Variants in RMDN2 observed in about 807,000 individuals in gnomAD.
RMDN2 encodes the protein regulator of microtubule dynamics 2.
Under a neutral mutation model 52.8 loss-of-function variants are expected in RMDN2, and 61 were observed. The ratio of observed to expected loss-of-function variants is 1.16; its 90% CI spans 0.94 to 1.43. The LOEUF (loss-of-function observed/expected upper bound fraction) is 1.43. RMDN2 is among the 40% of genes most tolerant of loss of function. The pLI, the probability that RMDN2 is intolerant of heterozygous loss-of-function variation, is 0.00. For missense variants in RMDN2, 592 were observed against 475.3 expected (o/e 1.25, Z -2.28); for synonymous variants, 180 against 153.1 (o/e 1.18, Z -1.30).
intron 5 of RMDN2, among the ~76,000 whole-genome samples, chr2:37,988,345 G>A (rs768192172): frequency 6.6e-5 from 10 of 152,138 alleles, no homozygotes; most frequent in Admixed American, 6.5e-4. Flanking sequence ...TTTAGAACTC[G>A]TGAGTAGTAG....
chr2:37,993,140 G>A, intron 7 of RMDN2, among the ~76,000 whole-genome samples: 1 of 152,068 alleles, frequency 6.6e-6, no homozygotes, highest in Non-Finnish European at 1.5e-5. Context: ...GGCCAGGCTG[G>A]TCTCACACTC....
intron 10 of RMDN2, among the ~76,000 whole-genome samples, chr2:38,065,244 T>C (rs895422701): frequency 6.6e-6 from 1 of 151,752 alleles, no homozygotes; most frequent in Non-Finnish European, 1.5e-5. Context: ...TTACATAAAG[T>C]AAAACATATA....
chr2:38,057,384 C>A (rs370506201), intron 10 of RMDN2, among the ~76,000 whole-genome samples: 4 of 152,182 alleles, frequency 2.6e-5, no homozygotes, highest in Non-Finnish European at 4.4e-5. Flanking sequence ...ATAAAATGTT[C>A]ATGTGTCATA....
chr2:37,991,243 A>C lies in RMDN2; in HGVS notation c.891A>C (p.Lys297Asn), dbSNP rs371956325. ...LFKEHLDIAI[K>N]LLPEEPFLYY... ...AGGAACATCTAGATATAGCAATCAAACTTTTACCAGAGGAACCCTTTCTAT... is the reference window on the plus strand; with the variant it reads ...AGGAACATCTAGATATAGCAATCAACCTTTTACCAGAGGAACCCTTTCTAT... Residue 297 changes from lysine (K) to asparagine (N), a missense_variant, in exon 7 of 11, where the codon AAA becomes AAC. Transcript: ENST00000354545. The C allele has an allele frequency of 6.3e-7, 1 of 1,589,810 alleles. No individual in the cohort carries two copies. The highest frequency in any genetic ancestry group is 8.6e-7 in the Non-Finnish European group (1 of 1,166,738).
intron 2 of RMDN2, among the ~76,000 whole-genome samples, chr2:37,933,482 A>G (rs1667020815): frequency 6.6e-6 from 1 of 152,258 alleles, no homozygotes; most frequent in Non-Finnish European, 1.5e-5. Flanking sequence ...CCTGGGCACC[A>G]TTGAGCACTG....
At chr2:37,932,201 AC>A (rs1666815056) in intron 2 of RMDN2, among the ~76,000 whole-genome samples, 1 of 149,328 alleles carries the variant, frequency 6.7e-6, no homozygotes, top group Non-Finnish European at 1.5e-5. Context: ...TAGGCAGAGG[AC>A]CCTGCGGCCT....
At chr2:37,936,059 C>T (rs938753784) in intron 2 of RMDN2, among the ~76,000 whole-genome samples, 4 of 152,164 alleles carry the variant, frequency 2.6e-5, no homozygotes, top group African/African-American at 9.7e-5. Flanking sequence ...TACTCCCCAC[C>T]TGCTGACAGT....
intron 10 of RMDN2, among the ~76,000 whole-genome samples, chr2:38,012,039 G>A (rs1347750607): frequency 1.3e-5 from 2 of 152,092 alleles, no homozygotes; most frequent in Non-Finnish European, 1.5e-5. Context: ...AGAATTTTTA[G>A]CATGTCTTTC....
At chr2:37,955,920 A>G (rs1294302496) in intron 2 of RMDN2, among the ~76,000 whole-genome samples, 1 of 151,992 alleles carries the variant, frequency 6.6e-6, no homozygotes, top group East Asian at 1.9e-4. Flanking sequence ...GTGATGTATA[A>G]TCCTTCTAAT....
chr2:38,048,773 A>C (rs1681421660), intron 10 of RMDN2, among the ~76,000 whole-genome samples: 1 of 152,238 alleles, frequency 6.6e-6, no homozygotes, highest in Non-Finnish European at 1.5e-5. Flanking sequence ...GCACCATCCC[A>C]CATGGACGAT....
intron 10 of RMDN2, among the ~76,000 whole-genome samples, chr2:38,042,456 C>T (rs1183600360): frequency 2.9e-5 from 4 of 136,460 alleles, no homozygotes; most frequent in Non-Finnish European, 6.7e-5. Flanking sequence ...CACACACACA[C>T]ACACATCAGG....
At chr2:37,988,710 T>G (rs1674368882) in intron 5 of RMDN2, among the ~76,000 whole-genome samples, 1 of 152,226 alleles carries the variant, frequency 6.6e-6, no homozygotes, top group South Asian at 2.1e-4. Context: ...TCGAAATATT[T>G]AAGTAAATGG....
At chr2:37,964,513 T>C (rs1670774075) in intron 2 of RMDN2, among the ~76,000 whole-genome samples, 1 of 152,262 alleles carries the variant, frequency 6.6e-6, no homozygotes, top group Non-Finnish European at 1.5e-5. Context: ...TGCTGATTTC[T>C]AGTTTCATGT....
intron 8 of RMDN2, among the ~76,000 whole-genome samples, chr2:38,001,710 G>A (rs1297456283): frequency 6.6e-6 from 1 of 152,176 alleles, no homozygotes; most frequent in Non-Finnish European, 1.5e-5. Context: ...AGGTATAATT[G>A]AATAAAGTTC....
chr2:37,944,780 A>G (rs1348903632), intron 2 of RMDN2, among the ~76,000 whole-genome samples: 1 of 152,160 alleles, frequency 6.6e-6, no homozygotes, highest in African/African-American at 2.4e-5. Flanking sequence ...TGTAATTAAG[A>G]AGGGGTATCA....
chr2:37,942,141 C>T (rs556230266), intron 2 of RMDN2, among the ~76,000 whole-genome samples: 134 of 152,226 alleles, frequency 8.8e-4, no homozygotes, highest in African/African-American at 3.1e-3. Context: ...CACAGCTCCT[C>T]TTGGCTAGGG....
At chr2:37,991,517 T>C (rs1403105556) in intron 7 of RMDN2, among the ~76,000 whole-genome samples, 1 of 152,010 alleles carries the variant, frequency 6.6e-6, no homozygotes, top group Non-Finnish European at 1.5e-5. Flanking sequence ...ATGTATTTTA[T>C]AATTTATAAA....
At chr2:37,985,377 T>TA (rs60264953) in intron 5 of RMDN2, among the ~76,000 whole-genome samples, 62,916 of 151,650 alleles carry the variant, frequency 0.41, 14,333 homozygotes, top group East Asian at 0.78. Flanking sequence ...AATGATCTGT[T>TA]TTTTATTTAT....
intron 2 of RMDN2, among the ~76,000 whole-genome samples, chr2:37,933,231 G>A (rs1257200117): frequency 1.3e-5 from 2 of 149,784 alleles, no homozygotes; most frequent in African/African-American, 5.0e-5. Flanking sequence ...GGGAAGAGGC[G>A]CTCCTCACTT....
Sources: gnomAD v4.1 joint callset for allele counts (sites outside exome capture counted in the v4.1 genomes callset) on GRCh38, gnomAD v4.1.1 for gene constraint, MANE v1.5 for transcripts, NCBI Gene and HGNC (gene_info 2026-07-23, HGNC 2026-07-21) for gene names.